Variants in OPCML observed in about 807,000 individuals in gnomAD.
OPCML encodes opioid binding protein/cell adhesion molecule like.
Under a neutral mutation model 37.8 loss-of-function variants are expected in OPCML, and 13 were observed. That is an observed-to-expected ratio of 0.34 (90% CI 0.22 to 0.55). OPCML has a LOEUF of 0.55. Ranked by LOEUF, OPCML falls within the 20% of genes least tolerant of loss-of-function variation. The probability of loss-of-function intolerance (pLI) is 0.91; values close to 1 mark genes in which losing one functional copy is unlikely to be tolerated. For missense variants in OPCML, 341 were observed against 435.6 expected (o/e 0.78, Z 1.93); for synonymous variants, 176 against 168.8 (o/e 1.04, Z -0.33).
At chr11:133,437,225 TTAGA>T (rs1446337601) in intron 1 of OPCML, among the ~76,000 whole-genome samples, 2 of 152,204 alleles carry the variant, frequency 1.3e-5, no homozygotes, top group African/African-American at 4.8e-5. Context: ...AATGCTGTCA[TTAGA>T]TAGACACACA....
chr11:132,723,555 A>ATT (rs11430368), intron 2 of OPCML, among the ~76,000 whole-genome samples: 1 of 151,524 alleles, frequency 6.6e-6, no homozygotes, highest in South Asian at 2.1e-4. Flanking sequence ...AATTTTAGTG[A>ATT]TTTTTTTTTA....
chr11:133,108,311 CTGTA>C (rs1376258582), intron 1 of OPCML, among the ~76,000 whole-genome samples: 2 of 152,134 alleles, frequency 1.3e-5, no homozygotes, highest in African/African-American at 4.8e-5. Flanking sequence ...TTCTAGGTGA[CTGTA>C]TGTTGCTAAA....
At chr11:132,535,958 AT>A (rs200499260) in intron 3 of OPCML, among the ~76,000 whole-genome samples, 1,901 of 151,934 alleles carry the variant, frequency 0.013, 41 homozygotes, top group African/African-American at 0.039. Context: ...CTCTCTGGGA[AT>A]TTTTTTTTAA....
chr11:133,521,361 G>C (rs575806603), intron 1 of OPCML, among the ~76,000 whole-genome samples: 119 of 152,312 alleles, frequency 7.8e-4, no homozygotes, highest in African/African-American at 2.3e-3. Context: ...CTTCCACACG[G>C]TGAAGGCAGG....
chr11:133,356,619 C>A (rs1411226810), intron 1 of OPCML, among the ~76,000 whole-genome samples: 3 of 152,146 alleles, frequency 2.0e-5, no homozygotes, highest in Non-Finnish European at 2.9e-5. Context: ...GTTGAACTGG[C>A]ACTTTTAGAC....
intron 2 of OPCML, among the ~76,000 whole-genome samples, chr11:132,940,048 A>G (rs1329838626): frequency 6.6e-6 from 1 of 152,194 alleles, no homozygotes; most frequent in Non-Finnish European, 1.5e-5. Flanking sequence ...TATGAGGAGG[A>G]TAATATTGCC....
rs115524841 is a variant in OPCML at position 132,416,424 on chromosome 11, G to C, written c.*3769C>G. On this transcript the variant is annotated 3_prime_UTR_variant, in exon 8 of 8. Transcript: ENST00000524381. ...GCCACAGGGATAAGCTCTCGTCGGG[G>C]TTGCCTGCCCACTTTGGGGTTCTCT... The C allele has an allele frequency of 6.6e-6, 1 of 152,172 alleles. No individual in the cohort carries two copies. Among genetic ancestry groups the C allele is most frequent in the African/African-American group, 2.4e-5 (1 of 41,430 alleles). 9.4% of individuals were successfully genotyped at this position (152,172 alleles called of 1,614,324 possible).
At chr11:132,954,414 TTCA>T (rs527698000) in intron 1 of OPCML, among the ~76,000 whole-genome samples, 69 of 136,290 alleles carry the variant, frequency 5.1e-4, no homozygotes, top group South Asian at 2.2e-3. Context: ...AAAGGAAAAG[TTCA>T]CTTTTAAGTG....
intron 1 of OPCML, among the ~76,000 whole-genome samples, chr11:133,159,308 G>T (rs537873878): frequency 1.4e-4 from 22 of 152,288 alleles, no homozygotes; most frequent in South Asian, 1.0e-3. Context: ...GGTCCCTGGG[G>T]CACGATGTAT....
At chr11:133,181,303 T>A (rs1937819040) in intron 1 of OPCML, among the ~76,000 whole-genome samples, 1 of 141,976 alleles carries the variant, frequency 7.0e-6, no homozygotes, top group African/African-American at 2.6e-5. Context: ...CAGTGGGTTG[T>A]ATGCATGTCA....
intron 2 of OPCML, among the ~76,000 whole-genome samples, chr11:132,824,440 G>GT (rs1940179617): frequency 6.6e-6 from 1 of 152,150 alleles, no homozygotes; most frequent in African/African-American, 2.4e-5. Context: ...CTTGGACACT[G>GT]TAACGGTACA....
chr11:132,739,083 G>T (rs763077411), intron 2 of OPCML, among the ~76,000 whole-genome samples: 12 of 152,104 alleles, frequency 7.9e-5, no homozygotes, highest in Non-Finnish European at 1.8e-4. Flanking sequence ...CAGAAATGAC[G>T]CCAAGCAGAA....
At chr11:133,484,075 T>C (rs1364327815) in intron 1 of OPCML, among the ~76,000 whole-genome samples, 1 of 147,522 alleles carries the variant, frequency 6.8e-6, no homozygotes. Flanking sequence ...GATAGATAGA[T>C]AGATAGATTC....
intron 1 of OPCML, among the ~76,000 whole-genome samples, chr11:133,282,432 C>T (rs1942183937): frequency 6.6e-6 from 1 of 152,198 alleles, no homozygotes; most frequent in South Asian, 2.1e-4. Flanking sequence ...TCACAGAATG[C>T]AAGCATGAAG....
chr11:132,536,218 T>C lies in OPCML; in HGVS notation c.380-7032A>G, dbSNP rs1201667203. ...GGTAACTGCAAGGGCAGCCTTTCCC[T>C]CCATCACAACTCTGCCCTGTCTCTG... On this transcript the variant is annotated intron_variant, in intron 3 of 7. Transcript: ENST00000524381. 5.3e-5 allele frequency among the ~76,000 whole-genome samples: 8 copies of C among 152,326 alleles called. No individual in the cohort carries two copies. In the East Asian group the frequency reaches 1.2e-3, roughly 22 times the overall value.
chr11:133,334,894 A>G (rs533384745), intron 1 of OPCML, among the ~76,000 whole-genome samples: 1 of 152,300 alleles, frequency 6.6e-6, no homozygotes, highest in African/African-American at 2.4e-5. Flanking sequence ...GGCAACAGGA[A>G]TAAGCCCATT....
At chr11:132,474,937 C>A (rs145068794) in intron 4 of OPCML, among the ~76,000 whole-genome samples, 12 of 152,294 alleles carry the variant, frequency 7.9e-5, no homozygotes, top group African/African-American at 2.9e-4. Flanking sequence ...CCCTTGGGTT[C>A]TAGCACCCTC....
chr11:132,933,285 C>T (rs1193539943), intron 2 of OPCML, among the ~76,000 whole-genome samples: 1 of 152,166 alleles, frequency 6.6e-6, no homozygotes, highest in Non-Finnish European at 1.5e-5. Context: ...GGTATTCTTC[C>T]AGAATGTGCC....
At chr11:133,432,098 G>T (rs911172052) in intron 1 of OPCML, among the ~76,000 whole-genome samples, 4 of 151,992 alleles carry the variant, frequency 2.6e-5, no homozygotes. Context: ...CTACTTGAAG[G>T]TGCTTTGTGA....
Sources: gnomAD v4.1 joint callset for allele counts (sites outside exome capture counted in the v4.1 genomes callset) on GRCh38, gnomAD v4.1.1 for gene constraint, MANE v1.5 for transcripts, NCBI Gene and HGNC (gene_info 2026-07-23, HGNC 2026-07-21) for gene names.